CFAP44: variants seen among roughly 807,000 people sequenced by gnomAD.
The protein encoded by CFAP44 is cilia and flagella associated protein 44.
In CFAP44, 134 loss-of-function variants were observed where a neutral mutation model predicts 216.2. The observed-to-expected ratio is 0.62, with a 90% CI of 0.54 to 0.72. CFAP44 has a LOEUF of 0.72. CFAP44 is among the 30% of genes least tolerant of loss of function. The probability of loss-of-function intolerance (pLI) is 0.00; values close to 1 mark genes in which losing one functional copy is unlikely to be tolerated. For missense variants in CFAP44, 2,035 were observed against 2,182.1 expected, an observed-to-expected ratio of 0.93 and a Z score of 1.34; for synonymous variants, 700 against 727.6, an observed-to-expected ratio of 0.96 and a Z score of 0.61.
rs16860792 is a variant in CFAP44, at chr3:113,288,656, G to A, written c.*2901C>T. ...GATCTAAGGTAGCTGTCAAAATGAA[G>A]TCTGGTGAACTTTTCTGAAGTGATA... On this transcript the variant is annotated 3_prime_UTR_variant, in exon 35 of 35. Coordinates refer to ENST00000393845, the MANE Select transcript of CFAP44 (RefSeq NM_001164496.2). 6.6e-6 allele frequency: 1 copy of A among 151,966 alleles called. No individual in the cohort carries two copies. Among genetic ancestry groups the A allele is most frequent in the Non-Finnish European group, 1.5e-5 (1 of 68,026 alleles). 9.4% of individuals were successfully genotyped at this position (151,966 alleles called of 1,614,324 possible). A position where few individuals can be genotyped will look rare whatever the true frequency, so the allele number is the denominator to read the frequency against.
rs766076849 is a variant in CFAP44, at chr3:113,406,963, A to C, written c.969T>G (p.Thr323=). ...GGAGCTCCATGTAGCCTTCTATATC[A>C]GTAGTGATTGTTTTGCCAAATCGAC... ...SLGRFGKTIT[T]DIEGYMELPD... is the part of the protein sequence containing the mutation. The change falls in exon 8 of 35, where the codon ACT becomes ACG. Residue 323 remains threonine, a synonymous_variant. Transcript: ENST00000393845. The C allele has an allele frequency of 6.2e-6, 10 of 1,614,028 alleles. No homozygotes were observed. Among genetic ancestry groups the C allele is most frequent in the Non-Finnish European group, 8.5e-6 (10 of 1,180,010 alleles).
chr3:113,396,326 C>A (rs536752433), intron 14 of CFAP44, among the ~76,000 whole-genome samples, 192 bp downstream of exon 14: 1 of 152,266 alleles, frequency 6.6e-6, no homozygotes, highest in South Asian at 2.1e-4. Flanking sequence ...TTCACATGCT[C>A]CAGCTCTCTT....
intron 22 of CFAP44, among the ~76,000 whole-genome samples, chr3:113,354,477 G>A (rs1361083838): frequency 2.0e-5 from 3 of 152,170 alleles, no homozygotes. Flanking sequence ...CCAGCCTTTA[G>A]GACTGTGGGT....
intron 5 of CFAP44, among the ~76,000 whole-genome samples, chr3:113,418,487 C>T (rs554768923): frequency 6.6e-6 from 1 of 152,280 alleles, no homozygotes; most frequent in East Asian, 1.9e-4. Context: ...TGCCCAAACA[C>T]TTTTCTCATA....
chr3:113,369,077 A>T (rs1933057574), intron 18 of CFAP44, among the ~76,000 whole-genome samples: 2 of 152,238 alleles, frequency 1.3e-5, no homozygotes, highest in Admixed American at 1.3e-4. Context: ...GAGCACCCAG[A>T]TTCATAAAGC....
At chr3:113,354,264 G>T (rs1950474181) in intron 22 of CFAP44, among the ~76,000 whole-genome samples, 1 of 152,156 alleles carries the variant, frequency 6.6e-6, no homozygotes, top group Non-Finnish European at 1.5e-5. Flanking sequence ...AACTATCACA[G>T]GAACATACCC....
At position 113,433,649 on chromosome 3, in the gene CFAP44, C is replaced by G. The variant is rs34121482; in HGVS notation, c.16G>C (p.Asp6His). The change falls in exon 2 of 35, where the codon GAT becomes CAT. Residue 6 changes from aspartate to histidine, a missense_variant. Asp to His is a moderately conservative substitution (Grantham distance 81). Coordinates refer to ENST00000393845, the MANE Select transcript of CFAP44 (RefSeq NM_001164496.2). MKEPD[D>H]QDTDGEKSVT... ...GATTTCTCCCCATCAGTATCCTGATCATCTGGTTCCTTCATTTCCTCTGTA... is the reference window on the plus strand; with the variant it reads ...GATTTCTCCCCATCAGTATCCTGATGATCTGGTTCCTTCATTTCCTCTGTA... The G allele has an allele frequency of 2.0e-4, 318 of 1,612,928 alleles. 1 individual carries two copies. The highest frequency in any genetic ancestry group is 1.6e-4 in the Middle Eastern group (1 of 6,078).
At chr3:113,368,310 G>A (rs1933029677) in intron 18 of CFAP44, among the ~76,000 whole-genome samples, 1 of 152,142 alleles carries the variant, frequency 6.6e-6, no homozygotes, top group South Asian at 2.1e-4. Flanking sequence ...AGGTTGCAAT[G>A]AAGGAAAAAA....
At chr3:113,296,486 T>C (rs1473786601) in intron 33 of CFAP44, among the ~76,000 whole-genome samples, 2 of 152,188 alleles carry the variant, frequency 1.3e-5, no homozygotes, top group Non-Finnish European at 2.9e-5. Context: ...ACATAATATT[T>C]ATATGCACCC....
rs1266628585 is a variant in CFAP44, at chr3:113,306,323, C to T, written c.4636G>A (p.Val1546Met). 4 of 1,536,170 alleles carry T rather than the reference C, an allele frequency of 2.6e-6. No individual in the cohort carries two copies. The highest frequency in any genetic ancestry group is 2.6e-6 in the Non-Finnish European group (3 of 1,146,566). The change falls in exon 30 of 35, where the codon GTG becomes ATG. Residue 1546 changes from valine (V) to methionine (M), a missense_variant. Physicochemically the swap from Val to Met is conservative, Grantham distance 21. This residue lies in a region of CFAP44 where 1,883 missense variants were observed against 2,023.7 expected (regional missense o/e 0.93). Coordinates refer to ENST00000393845, the MANE Select transcript of CFAP44 (RefSeq NM_001164496.2). Reference protein sequence around the residue: ...DDSICPTNCDVALFELALHLR... With the variant: ...DDSICPTNCDMALFELALHLR... ...TGAAGGGCCAGCTCAAAAAGAGCCA[C>T]ATCACAATCTGCCAAGAGAATTAAA...
Position 113,417,491 on chromosome 3 carries a change from G to A in CFAP44, c.571-864C>T, listed in dbSNP as rs146703836. ...CAAAAAATGAAAATAAAAATAAGCTGTTATAAGGATAAGCTATTTAAAACA... is the reference window on the plus strand; with the variant it reads ...CAAAAAATGAAAATAAAAATAAGCTATTATAAGGATAAGCTATTTAAAACA... On this transcript the variant is annotated intron_variant, in intron 5 of 34. Transcript: ENST00000393845. Among the ~76,000 whole-genome samples, 999 of 152,220 alleles carry A rather than the reference G, an allele frequency of 6.6e-3. 10 individuals carry two copies. Among genetic ancestry groups the A allele is most frequent in the Middle Eastern group, 0.014 (4 of 294 alleles).
chr3:113,410,160 T>A lies in CFAP44; in HGVS notation c.674-838A>T, dbSNP rs1353095375. ...CTTAATAAACTTGTTTTCTTTTTTT[T>A]TTATTATACTTTAAGTTCTAGGGTA... On this transcript the variant is annotated intron_variant, in intron 6 of 34. Coordinates refer to ENST00000393845, the MANE Select transcript of CFAP44 (RefSeq NM_001164496.2). 2.0e-5 allele frequency among the ~76,000 whole-genome samples: 3 copies of A among 152,266 alleles called. No homozygotes were observed. The East Asian group carries it at 5.8e-4, about 29-fold the overall frequency.
intron 16 of CFAP44, among the ~76,000 whole-genome samples, chr3:113,380,605 C>G (rs1049916380): frequency 6.6e-6 from 1 of 152,020 alleles, no homozygotes; most frequent in Admixed American, 6.6e-5. Context: ...CCCTCCCATT[C>G]TTTAGGTACT....
At chr3:113,408,863 CAAAA>C (rs200920984) in intron 7 of CFAP44, among the ~76,000 whole-genome samples, 2 of 66,368 alleles carry the variant, frequency 3.0e-5, no homozygotes, top group Non-Finnish European at 7.1e-5. Context: ...AACTCCATTT[CAAAA>C]AAAAAAAAAA....
chr3:113,292,184 G>T (rs2107784102), intron 34 of CFAP44, among the ~76,000 whole-genome samples: 1 of 151,692 alleles, frequency 6.6e-6, no homozygotes, highest in African/African-American at 2.4e-5. Context: ...TTTGCCCCAT[G>T]GACTAGGTTA....
intron 28 of CFAP44, among the ~76,000 whole-genome samples, chr3:113,310,498 A>C (rs1950027596): frequency 6.6e-6 from 1 of 152,212 alleles, no homozygotes; most frequent in African/African-American, 2.4e-5. Context: ...TTGTCAGATT[A>C]GTGTTTGAGA....
At chr3:113,407,481 A>T (rs972726109) in intron 7 of CFAP44, among the ~76,000 whole-genome samples, 1 of 152,206 alleles carries the variant, frequency 6.6e-6, no homozygotes, top group Admixed American at 6.5e-5. Context: ...AGAAAGTTCT[A>T]TTAGACAGTA....
intron 24 of CFAP44, among the ~76,000 whole-genome samples, chr3:113,337,120 T>C (rs1576554578): frequency 1.3e-5 from 2 of 150,118 alleles, no homozygotes; most frequent in African/African-American, 4.9e-5. Context: ...CACAGGATAC[T>C]AGATAAACAA....
At chr3:113,292,353 GT>G (rs1949838562) in intron 34 of CFAP44, among the ~76,000 whole-genome samples, 1 of 152,076 alleles carries the variant, frequency 6.6e-6, no homozygotes, top group Non-Finnish European at 1.5e-5. Context: ...CATGACCAAA[GT>G]GCTTGTTTGA....
Sources: gnomAD v4.1 joint callset for allele counts (sites outside exome capture counted in the v4.1 genomes callset) on GRCh38, gnomAD v4.1.1 for gene constraint, gnomAD v4.1.1 regional missense constraint, MANE v1.5 for transcripts, NCBI Gene and HGNC (gene_info 2026-07-23, HGNC 2026-07-21) for gene names.